EPHA6: variants seen among roughly 807,000 people sequenced by gnomAD.
EPHA6 encodes the protein ephrin type-A receptor 6.
Under a neutral mutation model 112.0 loss-of-function variants are expected in EPHA6, and 50 were observed. The observed-to-expected ratio is 0.45, with a 90% CI of 0.36 to 0.56. EPHA6 has a LOEUF of 0.56. Ranked by LOEUF, EPHA6 falls within the 20% of genes least tolerant of loss-of-function variation. The pLI, the probability that EPHA6 is intolerant of heterozygous loss-of-function variation, is 0.00. For missense variants in EPHA6, 1,280 were observed against 1,417.4 expected (o/e 0.90, Z 1.56); for synonymous variants, 529 against 490.7 (o/e 1.08, Z -1.03).
intron 13 of EPHA6, among the ~76,000 whole-genome samples, chr3:97,618,145 A>G (rs1301607764): frequency 6.6e-6 from 1 of 152,182 alleles, no homozygotes; most frequent in Non-Finnish European, 1.5e-5. Context: ...ACACAATTAC[A>G]TGGAAATTGT....
chr3:97,011,049 G>A (rs150363252), intron 3 of EPHA6, among the ~76,000 whole-genome samples: 6 of 152,174 alleles, frequency 3.9e-5, no homozygotes, highest in African/African-American at 1.4e-4. Flanking sequence ...ACCAAACTAA[G>A]GTTTGGATGC....
intron 1 of EPHA6, among the ~76,000 whole-genome samples, chr3:96,816,194 TATA>T (rs1485183631): frequency 1.3e-5 from 2 of 152,186 alleles, no homozygotes; most frequent in African/African-American, 2.4e-5. Flanking sequence ...CAGAATAAAA[TATA>T]ATTATTAAAT....
chr3:97,434,786 T>C (rs1010798958), intron 6 of EPHA6, among the ~76,000 whole-genome samples: 2 of 152,072 alleles, frequency 1.3e-5, no homozygotes, highest in Non-Finnish European at 2.9e-5. Context: ...GGACCTCAAC[T>C]GGGATGGCGA....
At chr3:96,996,955 CT>C (rs2043446587) in intron 3 of EPHA6, among the ~76,000 whole-genome samples, 1 of 152,038 alleles carries the variant, frequency 6.6e-6, no homozygotes, top group Admixed American at 6.6e-5. Flanking sequence ...ATGTGGCCAC[CT>C]TCCTCAATGA....
At chr3:97,664,231 A>G (rs1229302450) in intron 14 of EPHA6, among the ~76,000 whole-genome samples, 2 of 152,158 alleles carry the variant, frequency 1.3e-5, no homozygotes, top group Non-Finnish European at 2.9e-5. Context: ...GATTCTGGCT[A>G]TTAGCCCTTT....
chr3:97,647,476 TG>T (rs2094074023), intron 14 of EPHA6, among the ~76,000 whole-genome samples: 1 of 152,138 alleles, frequency 6.6e-6, no homozygotes, highest in Admixed American at 6.5e-5. Context: ...ATGTGTATTG[TG>T]GGCCAAGATA....
chr3:97,667,461 A>T (rs1346835690), intron 14 of EPHA6, among the ~76,000 whole-genome samples: 3 of 152,284 alleles, frequency 2.0e-5, no homozygotes, highest in African/African-American at 7.2e-5. Context: ...CTTCACAGAT[A>T]TTTTTACCAT....
chr3:97,234,322 A>T (rs1052046148), intron 4 of EPHA6, among the ~76,000 whole-genome samples: 1 of 152,102 alleles, frequency 6.6e-6, no homozygotes, highest in Non-Finnish European at 1.5e-5. Flanking sequence ...TTATCAAAAA[A>T]AATGCTCCCA....
intron 3 of EPHA6, among the ~76,000 whole-genome samples, chr3:97,035,430 C>A (rs933687609): frequency 6.6e-6 from 1 of 151,578 alleles, no homozygotes; most frequent in Non-Finnish European, 1.5e-5. Context: ...TACATAGTGC[C>A]CTCTTATCAT....
chr3:97,115,674 T>C (rs2047864716), intron 3 of EPHA6, among the ~76,000 whole-genome samples: 2 of 151,348 alleles, frequency 1.3e-5, no homozygotes, highest in South Asian at 4.2e-4. Context: ...AGAAAAAGAG[T>C]TGGGAATCCA....
intron 11 of EPHA6, among the ~76,000 whole-genome samples, chr3:97,562,088 T>C (rs2093200739): frequency 6.6e-6 from 1 of 152,166 alleles, no homozygotes; most frequent in African/African-American, 2.4e-5. Flanking sequence ...CCAAGAGCTC[T>C]GATGGAGACA....
intron 14 of EPHA6, among the ~76,000 whole-genome samples, chr3:97,702,979 A>G (rs932098085): frequency 2.4e-4 from 36 of 152,144 alleles, no homozygotes; most frequent in African/African-American, 8.7e-4. Flanking sequence ...ATACAAGTTA[A>G]TATTTTCTTT....
chr3:96,859,801 TACTG>T (rs1281915495), intron 1 of EPHA6, among the ~76,000 whole-genome samples: 4 of 152,094 alleles, frequency 2.6e-5, no homozygotes, highest in Non-Finnish European at 5.9e-5. Flanking sequence ...GTGGTACAAT[TACTG>T]ACAATTTTGA....
chr3:97,625,537 T>C (rs985612767), intron 13 of EPHA6, among the ~76,000 whole-genome samples: 3 of 151,792 alleles, frequency 2.0e-5, no homozygotes, highest in Admixed American at 1.3e-4. Context: ...TTCTGTTAGA[T>C]CTAGTTGGTT....
intron 5 of EPHA6, among the ~76,000 whole-genome samples, chr3:97,384,036 A>G (rs2085908299): frequency 6.6e-6 from 1 of 152,196 alleles, no homozygotes; most frequent in South Asian, 2.1e-4. Context: ...CAGTATGTAG[A>G]ATATGTAAGT....
chr3:97,508,530 T>A (rs1205025517), intron 10 of EPHA6, among the ~76,000 whole-genome samples: 1 of 152,212 alleles, frequency 6.6e-6, no homozygotes. Context: ...TGAGAGACTG[T>A]TATAATTTCC....
intron 1 of EPHA6, among the ~76,000 whole-genome samples, chr3:96,836,790 C>T (rs2034441361): frequency 6.6e-6 from 1 of 152,104 alleles, no homozygotes; most frequent in East Asian, 1.9e-4. Context: ...GACAGTGCAC[C>T]TTATTCTGTG....
At chr3:97,415,300 C>T (rs1261524817) in intron 6 of EPHA6, among the ~76,000 whole-genome samples, 1 of 152,052 alleles carries the variant, frequency 6.6e-6, no homozygotes, top group African/African-American at 2.4e-5. Flanking sequence ...TTATTCTCAA[C>T]ATTAGTGGAT....
intron 4 of EPHA6, among the ~76,000 whole-genome samples, chr3:97,227,361 C>A (rs1471753417): frequency 6.6e-6 from 1 of 151,988 alleles, no homozygotes; most frequent in Non-Finnish European, 1.5e-5. Flanking sequence ...GCTGGGACTA[C>A]AGGCATACAC....
Sources: gnomAD v4.1 joint callset for allele counts (sites outside exome capture counted in the v4.1 genomes callset) on GRCh38, gnomAD v4.1.1 for gene constraint, MANE v1.5 for transcripts, NCBI Gene and HGNC (gene_info 2026-07-23, HGNC 2026-07-21) for gene names.